The following AK8 variants were observed in gnomAD, a reference collection of about 807,000 sequenced individuals.
AK8 encodes the protein adenylate kinase 8, also known as ATP-AMP transphosphorylase 8.
AK8 carries 44 observed loss-of-function variants against 54.6 expected under a neutral mutation model. The ratio of observed to expected loss-of-function variants is 0.81; its 90% CI spans 0.63 to 1.04. The LOEUF is 1.04. Ranked by LOEUF, AK8 falls within the 50% of genes least tolerant of loss-of-function variation. The probability of loss-of-function intolerance (pLI) is 0.00; values close to 1 mark genes in which losing one functional copy is unlikely to be tolerated. For missense variants in AK8, 555 were observed against 613.6 expected, an observed-to-expected ratio of 0.90 and a Z score of 1.01; for synonymous variants, 239 against 245.6, an observed-to-expected ratio of 0.97 and a Z score of 0.25.
chr9:132,792,914 T>C (rs1274894840), intron 10 of AK8, 139 bp from the exon 11 acceptor site: 2 of 1,088,550 alleles, frequency 1.8e-6, no homozygotes, highest in Admixed American at 3.0e-5. Flanking sequence ...TTGGACAAGG[T>C]TGTCAGTGCC....
intron 2 of AK8, among the ~76,000 whole-genome samples, chr9:132,870,378 C>A (rs1564448965): frequency 6.6e-6 from 1 of 152,210 alleles, no homozygotes; most frequent in African/African-American, 2.4e-5. Flanking sequence ...TTCTTCCAAC[C>A]ACTTCAAAGG....
intron 5 of AK8, among the ~76,000 whole-genome samples, chr9:132,839,464 T>C (rs1842447988): frequency 6.6e-6 from 1 of 152,154 alleles, no homozygotes; most frequent in Non-Finnish European, 1.5e-5. Flanking sequence ...TCTGTTTCCT[T>C]CCTATGCTTT....
upstream of AK8, chr9:132,878,304 C>A: frequency 7.5e-7 from 1 of 1,326,142 alleles, no homozygotes; most frequent in Non-Finnish European, 9.7e-7. This position sits in a 1 kb window ranked among gnomAD's most constrained non-coding sequence, Gnocchi z 4.7. Context: ...GCTAGGGCCG[C>A]CGCGCCGACT....
rs746702160 is a variant in AK8, at chr9:132,727,468, T to G, written c.1188A>C (p.Pro396=). Residue 396 remains proline (P), a synonymous_variant, in exon 12 of 13, where the codon CCA becomes CCC. Coordinates refer to ENST00000298545, the MANE Select transcript of AK8 (RefSeq NM_152572.3). ...ACAGCACAAACCTTTCCCCAGTGAC[T>G]GGATCAATTCTTCTCAGAGTCAGCC... The part of the protein sequence containing the change: ...MERLTLRRID[P]VTGERYHLMY... 3.6e-5 allele frequency: 58 copies of G among 1,613,958 alleles called. No individual in the cohort carries two copies. The highest frequency in any genetic ancestry group is 4.8e-5 in the Non-Finnish European group (57 of 1,179,986).
chr9:132,857,971 G>A (rs1843242818), intron 4 of AK8, among the ~76,000 whole-genome samples: 1 of 152,222 alleles, frequency 6.6e-6, no homozygotes, highest in African/African-American at 2.4e-5. Context: ...CCTCCTTGCA[G>A]AGCACTGTGA....
At chr9:132,835,729 C>T (rs1016656971) in intron 5 of AK8, among the ~76,000 whole-genome samples, 2 of 152,308 alleles carry the variant, frequency 1.3e-5, no homozygotes, top group African/African-American at 2.4e-5. Flanking sequence ...GGCTCATGCC[C>T]ATAATCCTAG....
intron 9 of AK8, among the ~76,000 whole-genome samples, chr9:132,818,504 A>T (rs80031750): frequency 0.012 from 1,835 of 152,256 alleles, 17 homozygotes; most frequent in South Asian, 0.04. Flanking sequence ...CATTCACTCA[A>T]AATAGGCTGG....
At chr9:132,848,006 C>T (rs1012689740) in intron 5 of AK8, among the ~76,000 whole-genome samples, 16 of 151,380 alleles carry the variant, frequency 1.1e-4, no homozygotes, top group African/African-American at 3.9e-4. Context: ...GTCCCAGCTA[C>T]TCAGGAAGCG....
intron 5 of AK8, among the ~76,000 whole-genome samples, chr9:132,850,321 T>C (rs1842923712): frequency 6.9e-6 from 1 of 145,738 alleles, no homozygotes; most frequent in Non-Finnish European, 1.5e-5. Flanking sequence ...AGCTGAGTCG[T>C]TGCGATAGAA....
At chr9:132,765,500 C>A (rs1485588278) in intron 11 of AK8, among the ~76,000 whole-genome samples, 2 of 151,800 alleles carry the variant, frequency 1.3e-5, no homozygotes, top group East Asian at 3.9e-4. Context: ...CCTTAACAAG[C>A]TGGGGACAGT....
At chr9:132,783,865 A>G (rs923052696) in intron 11 of AK8, among the ~76,000 whole-genome samples, 3 of 152,218 alleles carry the variant, frequency 2.0e-5, no homozygotes, top group Non-Finnish European at 4.4e-5. Context: ...GAAAACAGTC[A>G]GTTACCATGA....
At chr9:132,785,401 C>T (rs1485142862) in intron 11 of AK8, among the ~76,000 whole-genome samples, 4 of 152,228 alleles carry the variant, frequency 2.6e-5, no homozygotes, top group Admixed American at 2.0e-4. Context: ...CACGCCCAAC[C>T]GACATCTTTC....
At chr9:132,850,897 TAAAAAAA>T (rs34133877) in intron 5 of AK8, among the ~76,000 whole-genome samples, 2 of 135,330 alleles carry the variant, frequency 1.5e-5, no homozygotes, top group Admixed American at 1.5e-4. Context: ...TAGGTGCATT[TAAAAAAA>T]AAAAAAAAAA....
At position 132,851,945 on chromosome 9, in the gene AK8, C is replaced by T. The variant is rs879418499; in HGVS notation, c.402+2912G>A. Reference sequence around the variant, plus strand: ...AGAGCAGATACAGATGTCACCACCACGTAACTCAGATACTGGAATTAGCGG... The same window carrying T: ...AGAGCAGATACAGATGTCACCACCATGTAACTCAGATACTGGAATTAGCGG... On this transcript the variant is annotated intron_variant, in intron 5 of 12. Coordinates refer to ENST00000298545, the MANE Select transcript of AK8 (RefSeq NM_152572.3). 5.3e-5 allele frequency among the ~76,000 whole-genome samples: 8 copies of T among 152,310 alleles called. No homozygotes were observed. In the East Asian group the frequency reaches 7.7e-4, roughly 15 times the overall value.
intron 11 of AK8, among the ~76,000 whole-genome samples, chr9:132,750,374 C>T (rs1837857796): frequency 6.6e-6 from 1 of 151,902 alleles, no homozygotes; most frequent in Non-Finnish European, 1.5e-5. Context: ...CCGCCTTGGC[C>T]TCTCAAACTG....
intron 10 of AK8, among the ~76,000 whole-genome samples, chr9:132,804,599 C>T (rs1160746821): frequency 6.6e-6 from 1 of 152,096 alleles, no homozygotes; most frequent in Non-Finnish European, 1.5e-5. Flanking sequence ...CTCTGTATGT[C>T]AGGAAGTCTC....
chr9:132,752,773 C>T (rs1166019134), intron 11 of AK8, among the ~76,000 whole-genome samples: 1 of 149,650 alleles, frequency 6.7e-6, no homozygotes, highest in Non-Finnish European at 1.5e-5. Flanking sequence ...CAGCTGGCTC[C>T]TTCCTTCCAT....
chr9:132,725,680 T>C lies in AK8; in HGVS notation c.*8A>G, dbSNP rs1836523870. 2 of 1,567,224 alleles carry C rather than the reference T, an allele frequency of 1.3e-6. No individual in the cohort carries two copies. The highest frequency in any genetic ancestry group is 1.7e-6 in the Non-Finnish European group (2 of 1,151,892). On this transcript the variant is annotated 3_prime_UTR_variant, in exon 13 of 13. Transcript: ENST00000298545. Reference sequence around the variant, plus strand: ...TTCCCTGGGGCAGCGCTCCTGGCTCTGAACCCATCAGGGGATTTTCTTGGG... The same window carrying C: ...TTCCCTGGGGCAGCGCTCCTGGCTCCGAACCCATCAGGGGATTTTCTTGGG...
At chr9:132,787,088 CCA>C (rs1286516036) in intron 11 of AK8, among the ~76,000 whole-genome samples, 7 of 151,742 alleles carry the variant, frequency 4.6e-5, no homozygotes, top group Admixed American at 1.3e-4. Context: ...CAGCAACTGA[CCA>C]CACACACACA....
Sources: allele counts gnomAD v4.1 joint callset (sites outside exome capture counted in the v4.1 genomes callset), GRCh38; gene constraint gnomAD v4.1.1; non-coding constraint Gnocchi (gnomAD v3.1); transcripts MANE v1.5; gene names NCBI Gene and HGNC (gene_info 2026-07-23, HGNC 2026-07-21).